Variants in JADE1 observed in about 807,000 individuals in gnomAD.
The protein encoded by JADE1 is protein Jade-1.
JADE1 carries 14 observed loss-of-function variants against 81.8 expected under a neutral mutation model. The ratio of observed to expected loss-of-function variants is 0.17; its 90% CI spans 0.11 to 0.27. The LOEUF is 0.27. Ranked by LOEUF, JADE1 falls within the 10% of genes least tolerant of loss-of-function variation. The pLI is 1.00. For synonymous variants in JADE1, 353 were observed against 391.9 expected (o/e 0.90, Z 1.17); for missense variants, 690 against 1,047.9 (o/e 0.66, Z 4.71).
At chr4:128,816,485 A>G (rs1308140776) in intron 1 of JADE1, 2 of 152,208 alleles carry the variant, frequency 1.3e-5, no homozygotes, top group East Asian at 3.9e-4. Flanking sequence ...GTTGGGTGTC[A>G]TGGAATAGAA....
intron 1 of JADE1, among the ~76,000 whole-genome samples, chr4:128,825,643 G>A (rs1055878611): frequency 2.6e-5 from 4 of 152,208 alleles, no homozygotes; most frequent in Non-Finnish European, 5.9e-5. Context: ...CACTTGTCTA[G>A]TTATTTGATG....
chr4:128,861,656 AT>A, intron 8 of JADE1, 47 bp from the exon 9 acceptor site: 1 of 1,584,168 alleles, frequency 6.3e-7, no homozygotes, highest in Non-Finnish European at 8.6e-7. Flanking sequence ...TTCTGCCATC[AT>A]TGCTCTATAA....
At chr4:128,863,283 G>C in intron 9 of JADE1, 3 of 985,546 alleles carry the variant, frequency 3.0e-6, no homozygotes, top group South Asian at 4.7e-5. Context: ...GCTTCTTAGA[G>C]CATCTTCCAC....
chr4:128,822,939 C>T (rs1321318777), intron 1 of JADE1, among the ~76,000 whole-genome samples: 3 of 152,052 alleles, frequency 2.0e-5, no homozygotes, highest in Admixed American at 2.0e-4. Context: ...GGTTTTTTCC[C>T]TGCAGTTAGC....
At chr4:128,868,540 C>T (rs1044407940) in intron 10 of JADE1, among the ~76,000 whole-genome samples, 4 of 151,858 alleles carry the variant, frequency 2.6e-5, no homozygotes, top group Non-Finnish European at 5.9e-5. Context: ...TTTATATTGC[C>T]CTGGGCTAGG....
intron 1 of JADE1, among the ~76,000 whole-genome samples, chr4:128,824,651 C>T (rs1579115025): frequency 6.6e-6 from 1 of 152,026 alleles, no homozygotes; most frequent in African/African-American, 2.4e-5. Flanking sequence ...GTGGAGTGAA[C>T]ATAAGGTAAC....
At chr4:128,817,016 G>C (rs1316162012) in intron 1 of JADE1, among the ~76,000 whole-genome samples, 1 of 151,760 alleles carries the variant, frequency 6.6e-6, no homozygotes, top group Non-Finnish European at 1.5e-5. Context: ...ATGCCGCCGT[G>C]TCTGTCTAAT....
intron 5 of JADE1, among the ~76,000 whole-genome samples, chr4:128,849,588 C>G (rs1579191342): frequency 6.6e-6 from 1 of 152,206 alleles, no homozygotes; most frequent in African/African-American, 2.4e-5. Context: ...CAGGCATGCT[C>G]CCCATTTCCA....
chr4:128,855,817 T>G lies in JADE1; in HGVS notation c.864+20T>G, dbSNP rs1579209302. The stretch of plus-strand genomic sequence containing the variant: ...CCTGAGGTACGTGTGGTTCTTTTTT[T>G]GTTGTTTTTACTTTTTTTTAAGACA... On this transcript the variant is annotated intron_variant, in intron 7 of 10. Transcript: ENST00000226319. 1 of 1,555,124 alleles carries G rather than the reference T, an allele frequency of 6.4e-7. No individual in the cohort carries two copies. The highest frequency in any genetic ancestry group is 1.7e-4 in the Middle Eastern group (1 of 5,854).
At chr4:128,850,419 C>T (rs1195383098) in intron 5 of JADE1, among the ~76,000 whole-genome samples, 3 of 152,092 alleles carry the variant, frequency 2.0e-5, no homozygotes, top group African/African-American at 7.2e-5. Flanking sequence ...GTGTGGCTTG[C>T]AGTAGATGCT....
chr4:128,846,653 A>G lies in JADE1; in HGVS notation c.296+121A>G. The G allele has an allele frequency of 9.8e-7, 1 of 1,025,086 alleles. No individual in the cohort carries two copies. The highest frequency in any genetic ancestry group is 1.4e-6 in the Non-Finnish European group (1 of 709,358). 63.5% of individuals were successfully genotyped at this position (1,025,086 alleles called of 1,614,324 possible). ...ACAGTTTCTGAGTTAGCATTAAAAT[A>G]TCATGAGGCCTCAAGTGGAAATAGA... On this transcript the variant is annotated intron_variant, in intron 4 of 10. Coordinates refer to ENST00000226319, the MANE Select transcript of JADE1 (RefSeq NM_199320.4). The surrounding 1 kb of genome is among the most constrained non-coding windows in gnomAD (Gnocchi z 4.0).
chr4:128,846,274 G>T lies in JADE1; in HGVS notation c.139-101G>T. The T allele has an allele frequency of 8.4e-7, 1 of 1,186,064 alleles. No individual in the cohort carries two copies. Among genetic ancestry groups the T allele is most frequent in the South Asian group, 1.4e-5 (1 of 73,416 alleles). 73.5% of individuals were successfully genotyped at this position (1,186,064 alleles called of 1,614,324 possible). ...CAGGCTTGTTCTATGTTGATACAGT[G>T]ACCTTGTTACATGGCAGCTCCATGG... On this transcript the variant is annotated intron_variant, in intron 3 of 10. Coordinates refer to ENST00000226319, the MANE Select transcript of JADE1 (RefSeq NM_199320.4). The surrounding 1 kb of genome is among the most constrained non-coding windows in gnomAD (Gnocchi z 4.0).
At chr4:128,820,644 T>C (rs1727478760) in intron 1 of JADE1, among the ~76,000 whole-genome samples, 2 of 152,180 alleles carry the variant, frequency 1.3e-5, no homozygotes, top group Admixed American at 1.3e-4. Context: ...TTGTCAAGTG[T>C]GTCATCTAGG....
chr4:128,840,991 T>A (rs1579165627), intron 2 of JADE1, among the ~76,000 whole-genome samples: 1 of 152,182 alleles, frequency 6.6e-6, no homozygotes, highest in Non-Finnish European at 1.5e-5. Context: ...GCAATCCCAT[T>A]TGGTCTTGGT....
At chr4:128,819,231 G>A (rs1378693983) in intron 1 of JADE1, among the ~76,000 whole-genome samples, 1 of 151,030 alleles carries the variant, frequency 6.6e-6, no homozygotes, top group Non-Finnish European at 1.5e-5. Flanking sequence ...AGGGCTGTGG[G>A]TTGTTTTTGT....
chr4:128,872,244 A>G lies in JADE1; in HGVS notation c.2511A>G (p.Arg837=), dbSNP rs1442411706. Reference sequence around the variant, plus strand: ...GCAGAAGGACAGACATTATCAGGAGAAGCATCTTGGCTTCTTGATGCAACA... The same window carrying G: ...GCAGAAGGACAGACATTATCAGGAGGAGCATCTTGGCTTCTTGATGCAACA... The part of the protein sequence containing the change: ...TISRRTDIIR[R]SILAS Residue 837 remains arginine (R), a synonymous_variant, in exon 11 of 11, where the codon AGA becomes AGG. Transcript: ENST00000226319. 3.1e-6 allele frequency: 5 copies of G among 1,613,490 alleles called. No individual in the cohort carries two copies. The African/African-American group carries it at 5.3e-5, about 17-fold the overall frequency.
intron 8 of JADE1, among the ~76,000 whole-genome samples, chr4:128,859,247 TATGTGTGC>T (rs1731072815): frequency 1.3e-5 from 2 of 151,998 alleles, no homozygotes; most frequent in African/African-American, 2.4e-5. Flanking sequence ...TGAGCATGCA[TATGTGTGC>T]ATGTGTGGGG....
chr4:128,816,424 C>T (rs914500463), intron 1 of JADE1: 7 of 152,122 alleles, frequency 4.6e-5, no homozygotes, highest in African/African-American at 1.7e-4. Context: ...AGAAAATGAC[C>T]TTGGAGGGCC....
chr4:128,872,025 G>C lies in JADE1; in HGVS notation c.2292G>C (p.Glu764Asp), dbSNP rs200798660. 6.2e-7 allele frequency: 1 copy of C among 1,613,918 alleles called. No individual in the cohort carries two copies. Among genetic ancestry groups the C allele is most frequent in the Admixed American group, 1.7e-5 (1 of 60,004 alleles). ...AGGGGGAACGGCAGCAGCAGGGAGA[G>C]GCCCACGATGGGGCCTGCCACCAGC... ...PKKGERQQQG[E>D]AHDGACHQHS... The change falls in exon 11 of 11, where the codon GAG (glutamate) becomes GAC (aspartate). Residue 764 changes from glutamate (E) to aspartate (D), a missense_variant. Coordinates refer to ENST00000226319, the MANE Select transcript of JADE1 (RefSeq NM_199320.4).
Sources: gnomAD v4.1 joint callset for allele counts (sites outside exome capture counted in the v4.1 genomes callset) on GRCh38, gnomAD v4.1.1 for gene constraint, Gnocchi (gnomAD v3.1) non-coding constraint, MANE v1.5 for transcripts, NCBI Gene and HGNC (gene_info 2026-07-23, HGNC 2026-07-21) for gene names.